HYDIN: variants seen among roughly 807,000 people sequenced by gnomAD.
HYDIN encodes HYDIN axonemal central pair apparatus protein, also known as axonemal central pair apparatus protein HYDIN.
HYDIN carries 132 observed loss-of-function variants against 403.9 expected under a neutral mutation model. That is an observed-to-expected ratio of 0.33 (90% CI 0.28 to 0.38). HYDIN has a LOEUF of 0.38. Ranked by LOEUF, HYDIN falls within the 10% of genes least tolerant of loss-of-function variation. HYDIN has a pLI of 1.00. For synonymous variants in HYDIN, 1,202 were observed against 1,891.7 expected, an observed-to-expected ratio of 0.64 and a Z score of 9.46; for missense variants, 2,827 against 5,009.5, an observed-to-expected ratio of 0.56 and a Z score of 13.15.
rs1555531292 is a variant in HYDIN, at chr16:70,807,420, CATATCT to C, written c.*154_*159del. On this transcript the variant is annotated 3_prime_UTR_variant, in exon 86 of 86. Transcript: ENST00000393567. Reference sequence around the variant, plus strand: ...AATGTTTAATATGGAATAGATATTTCATATCTATATTTGGAAAACACATAATAGGGA... The same window carrying C: ...AATGTTTAATATGGAATAGATATTTCATATTTGGAAAACACATAATAGGGA... 1.4e-6 allele frequency: 1 copy of C among 717,930 alleles called. No homozygotes were observed. The highest frequency in any genetic ancestry group is 2.2e-6 in the Non-Finnish European group (1 of 445,934). The allele number at this position is 717,930 out of a possible 1,614,324, so 44.5% of individuals were successfully genotyped here.
chr16:71,004,844 G>A (rs1217211499), intron 23 of HYDIN, among the ~76,000 whole-genome samples: 1 of 151,606 alleles, frequency 6.6e-6, no homozygotes, highest in African/African-American at 2.4e-5. Flanking sequence ...TATCTATCAG[G>A]ACTTAGCGGG....
At chr16:70,929,071 C>T (rs1214097868) in intron 45 of HYDIN, among the ~76,000 whole-genome samples, 3 of 151,996 alleles carry the variant, frequency 2.0e-5, no homozygotes, top group Non-Finnish European at 4.4e-5. Flanking sequence ...AGGTGGATCA[C>T]CTGAGGTCAG....
intron 23 of HYDIN, among the ~76,000 whole-genome samples, chr16:71,001,826 G>C (rs2079723013): frequency 6.6e-6 from 1 of 152,032 alleles, no homozygotes. Flanking sequence ...AGGCAAGGCA[G>C]ATCCAGGAAA....
rs548258784 is a variant in HYDIN at position 71,115,856 on chromosome 16, G to T, written c.1228-61C>A. ...GACAAAAGAAAGACACTGCTTGTAA[G>T]TGTTATTACATTAAAACTCCAATAA... On this transcript the variant is annotated intron_variant, in intron 9 of 85. Coordinates refer to ENST00000393567, the MANE Select transcript of HYDIN (RefSeq NM_001270974.2). The T allele has an allele frequency of 4.2e-5, 34 of 814,506 alleles. No individual in the cohort carries two copies. In the African/African-American group the frequency reaches 5.9e-4, roughly 14 times the overall value. The allele number at this position is 814,506 out of a possible 1,614,324, so 50.5% of individuals were successfully genotyped here. A position where few individuals can be genotyped will look rare whatever the true frequency, so the allele number is the denominator to read the frequency against.
At chr16:70,846,178 T>C (rs1189977322) in intron 75 of HYDIN, among the ~76,000 whole-genome samples, 4 of 147,048 alleles carry the variant, frequency 2.7e-5, no homozygotes, top group Non-Finnish European at 4.5e-5. Flanking sequence ...TGTGGGCATT[T>C]AGTGCTATAA....
chr16:70,868,398 T>C (rs370604292), intron 66 of HYDIN, among the ~76,000 whole-genome samples, 172 bp downstream of exon 66: 1,704 of 142,908 alleles, frequency 0.012, 40 homozygotes, highest in African/African-American at 0.048. Flanking sequence ...TGTGTAGCAT[T>C]GATGGCAGGC....
chr16:71,110,340 ATT>A (rs2083768547), intron 10 of HYDIN, among the ~76,000 whole-genome samples: 3 of 142,556 alleles, frequency 2.1e-5, no homozygotes, highest in Non-Finnish European at 3.0e-5. Context: ...TAAGTTATAT[ATT>A]TATAGATATT....
intron 18 of HYDIN, among the ~76,000 whole-genome samples, chr16:71,051,429 G>A (rs1401571664): frequency 2.0e-5 from 3 of 151,828 alleles, no homozygotes; most frequent in Non-Finnish European, 2.9e-5. Flanking sequence ...GATGGACCAC[G>A]AGGTCAGGAG....
At chr16:70,973,120 T>C (rs1427098434) in intron 35 of HYDIN, among the ~76,000 whole-genome samples, 4 of 152,250 alleles carry the variant, frequency 2.6e-5, no homozygotes, top group African/African-American at 7.2e-5. Flanking sequence ...AGAAGGCTAC[T>C]AACCCAGGCC....
chr16:70,818,727 C>G (rs1031963429), intron 83 of HYDIN, among the ~76,000 whole-genome samples, 155 bp from the exon 84 acceptor site: 7 of 145,744 alleles, frequency 4.8e-5, no homozygotes, highest in African/African-American at 1.8e-4. Context: ...CTATCCGGAT[C>G]CCTGCCAGCC....
rs1186977085 is a variant in HYDIN, at chr16:70,992,002, T to G, written c.3785+68A>C. On this transcript the variant is annotated intron_variant, in intron 24 of 85. Coordinates refer to ENST00000393567, the MANE Select transcript of HYDIN (RefSeq NM_001270974.2). Reference sequence around the variant, plus strand: ...GAATGAACCAATGAGGGATGAGTATTGAGAATGTAAGTCCGTGTAAAGAAA... The same window carrying G: ...GAATGAACCAATGAGGGATGAGTATGGAGAATGTAAGTCCGTGTAAAGAAA... The G allele has an allele frequency of 3.7e-6, 6 of 1,606,206 alleles. No individual in the cohort carries two copies. The African/African-American group carries it at 8.0e-5, about 22-fold the overall frequency.
At chr16:71,186,336 CATT>C (rs1329667398) in intron 2 of HYDIN, among the ~76,000 whole-genome samples, 1 of 152,048 alleles carries the variant, frequency 6.6e-6, no homozygotes, top group Non-Finnish European at 1.5e-5. Context: ...ACCACTTAGT[CATT>C]ATTTTAATGC....
chr16:71,187,875 C>A (rs142021484), intron 1 of HYDIN, among the ~76,000 whole-genome samples: 1 of 152,054 alleles, frequency 6.6e-6, no homozygotes, highest in Admixed American at 6.5e-5. Flanking sequence ...ATCAATGAAA[C>A]AGAAGACAGT....
intron 45 of HYDIN, among the ~76,000 whole-genome samples, chr16:70,934,303 T>C (rs2077436866): frequency 6.6e-6 from 1 of 150,956 alleles, no homozygotes; most frequent in African/African-American, 2.4e-5. Context: ...AATGGGGTGC[T>C]TGTCGGGGGC....
At chr16:71,126,851 C>T (rs1277514400) in intron 9 of HYDIN, among the ~76,000 whole-genome samples, 2 of 152,028 alleles carry the variant, frequency 1.3e-5, no homozygotes, top group Non-Finnish European at 2.9e-5. Flanking sequence ...CCTTTCCCAA[C>T]TCACTCATCT....
At chr16:70,956,946 C>A (rs1402765185) in intron 39 of HYDIN, among the ~76,000 whole-genome samples, 15 of 148,632 alleles carry the variant, frequency 1.0e-4, no homozygotes. Context: ...TAATTCAATA[C>A]ACTTGTATGA....
At chr16:71,040,452 C>T in intron 18 of HYDIN, among the ~76,000 whole-genome samples, 1 of 149,048 alleles carries the variant, frequency 6.7e-6, no homozygotes, top group Non-Finnish European at 1.5e-5. Context: ...CCAGGAACCC[C>T]TTCATCAAAA....
intron 18 of HYDIN, among the ~76,000 whole-genome samples, chr16:71,048,190 G>C (rs2081513856): frequency 1.3e-5 from 2 of 151,380 alleles, no homozygotes; most frequent in Admixed American, 6.6e-5. Flanking sequence ...TTTTACGCCT[G>C]AGTAGTATTA....
At chr16:70,904,647 C>T (rs1253368644) in intron 50 of HYDIN, among the ~76,000 whole-genome samples, 1 of 139,772 alleles carries the variant, frequency 7.2e-6, no homozygotes, top group African/African-American at 2.6e-5. Flanking sequence ...ATTACAGGTG[C>T]ATGCCACCAC....
Sources: allele counts gnomAD v4.1 joint callset (sites outside exome capture counted in the v4.1 genomes callset), GRCh38; gene constraint gnomAD v4.1.1; transcripts MANE v1.5; gene names NCBI Gene and HGNC (gene_info 2026-07-23, HGNC 2026-07-21).